The following METTL9 variants were observed in gnomAD, a reference collection of about 807,000 sequenced individuals.
METTL9 encodes methyltransferase 9, His-X-His N1(pi)-histidine.
Under a neutral mutation model 36.0 loss-of-function variants are expected in METTL9, and 10 were observed. The observed-to-expected ratio is 0.28, with a 90% CI of 0.17 to 0.47. The LOEUF is 0.47. Among genes scored for constraint, METTL9 ranks in the 20% least tolerant of loss-of-function variants. METTL9 has a pLI of 0.99. For synonymous variants in METTL9, 175 were observed against 149.7 expected (o/e 1.17, Z -1.23); for missense variants, 246 against 383.5 (o/e 0.64, Z 3.00).
Position 21,599,729 on chromosome 16 carries a change from C to G in METTL9, c.-5C>G. 6.6e-7 allele frequency: 1 copy of G among 1,505,130 alleles called. No individual in the cohort carries two copies. Among genetic ancestry groups the G allele is most frequent in the Non-Finnish European group, 8.8e-7 (1 of 1,134,904 alleles). 93.2% of individuals were successfully genotyped at this position (1,505,130 alleles called of 1,614,324 possible). On this transcript the variant is annotated 5_prime_UTR_variant, in exon 1 of 5. Coordinates refer to ENST00000358154, the MANE Select transcript of METTL9 (RefSeq NM_016025.5). This position sits in a 1 kb window ranked among gnomAD's most constrained non-coding sequence, Gnocchi z 4.4. ...GGTGATCCGAGCGAGCGGCCGCGGC[C>G]CCCGATGAGACTGCTGGCGGGCTGG...
intron 4 of METTL9, chr16:21,646,781 A>T: frequency 3.0e-6 from 1 of 328,386 alleles, no homozygotes; most frequent in Non-Finnish European, 6.0e-6. Flanking sequence ...TCAACCTCCC[A>T]AGCAGCTGGG....
chr16:21,623,140 A>G (rs928181463), intron 3 of METTL9, among the ~76,000 whole-genome samples: 2 of 152,228 alleles, frequency 1.3e-5, no homozygotes, highest in Non-Finnish European at 2.9e-5. Context: ...TTAGTACAAC[A>G]AAGTGATTTT....
intron 3 of METTL9, among the ~76,000 whole-genome samples, chr16:21,621,174 G>T (rs879798609): frequency 5.9e-4 from 89 of 151,722 alleles, no homozygotes; most frequent in South Asian, 1.0e-3. Context: ...GTGTGTGTGT[G>T]TTTTTGTGTG....
At chr16:21,631,884 T>G (rs1965971400) in intron 4 of METTL9, among the ~76,000 whole-genome samples, 1 of 152,162 alleles carries the variant, frequency 6.6e-6, no homozygotes, top group African/African-American at 2.4e-5. Flanking sequence ...TACACTGTTT[T>G]TTCTTTACTA....
intron 3 of METTL9, 93 bp downstream of exon 3, chr16:21,618,167 A>T (rs1567331040): frequency 2.0e-6 from 2 of 991,022 alleles, no homozygotes; most frequent in Non-Finnish European, 1.4e-6. Flanking sequence ...TTAGAAATTT[A>T]AAAAATCATC....
intron 4 of METTL9, among the ~76,000 whole-genome samples, chr16:21,630,230 C>T (rs1184957857): frequency 2.0e-5 from 3 of 152,238 alleles, no homozygotes; most frequent in Non-Finnish European, 4.4e-5. Flanking sequence ...GGGAGCTTGT[C>T]CCCCGATCAA....
rs3046231 is a variant in METTL9, at chr16:21,605,257, CTTTTTTTTTTTTTTTTTTTTT to C, written c.165+5378_165+5398del. Among the ~76,000 whole-genome samples the C allele has an allele frequency of 6.8e-3, 347 of 51,258 alleles. 8 individuals are homozygous for C. The highest frequency in any genetic ancestry group is 0.016 in the African/African-American group (257 of 15,580). 33.6% of individuals were successfully genotyped at this position (51,258 alleles called of 152,430 possible). On this transcript the variant is annotated intron_variant, in intron 1 of 4. Transcript: ENST00000358154. ...GGGGTGGTAAAAATAGGCTTGCCTT[CTTTTTTTTTTTTTTTTTTTTT>C]TTTTTTTTTTTTTTTTTTGAGAAAC... is the stretch of plus-strand genomic sequence containing the variant.
intron 4 of METTL9, among the ~76,000 whole-genome samples, chr16:21,635,451 G>A (rs1234780523): frequency 6.6e-6 from 1 of 152,126 alleles, no homozygotes; most frequent in East Asian, 1.9e-4. Flanking sequence ...CCTGTGGGAT[G>A]TAAATTGCAA....
At chr16:21,620,278 A>C (rs190787471) in intron 3 of METTL9, among the ~76,000 whole-genome samples, 2 of 152,318 alleles carry the variant, frequency 1.3e-5, no homozygotes, top group East Asian at 3.9e-4. Flanking sequence ...TAGCTTTAGC[A>C]AGCTGTCTCA....
At chr16:21,650,473 A>C (rs1379655800) in intron 4 of METTL9, among the ~76,000 whole-genome samples, 1 of 144,188 alleles carries the variant, frequency 6.9e-6, no homozygotes, top group Non-Finnish European at 1.5e-5. Flanking sequence ...GTGCCACTGC[A>C]CTCTAGCCTG....
At chr16:21,647,434 G>C (rs1334054212) in intron 4 of METTL9, 1 of 1,614,070 alleles carries the variant, frequency 6.2e-7, no homozygotes, top group Non-Finnish European at 8.5e-7. Flanking sequence ...CCTCATGAGT[G>C]TAGTCCACTT....
chr16:21,617,744 T>C, intron 2 of METTL9, 121 bp from the exon 3 acceptor site: 2 of 893,094 alleles, frequency 2.2e-6, no homozygotes, highest in Non-Finnish European at 1.8e-6. Flanking sequence ...AAAAAAAATC[T>C]TAACCATGTA....
At chr16:21,652,421 A>G in intron 4 of METTL9, 2 of 748,820 alleles carry the variant, frequency 2.7e-6, no homozygotes, top group Non-Finnish European at 4.2e-6. Flanking sequence ...CAGTTTTCAT[A>G]ATGTTATACA....
In METTL9 at chr16:21,630,209, G is replaced by A. The variant is rs150505182; in HGVS notation, c.751+5094G>A. On this transcript the variant is annotated intron_variant, in intron 4 of 4. Transcript: ENST00000358154. ...TTGCGGCACCTAGCCTGGGCACTCC[G>A]ACAGCCCAGTGGGAGCTTGTCCCCC... 1.8e-3 allele frequency among the ~76,000 whole-genome samples: 278 copies of A among 152,344 alleles called. 2 individuals carry two copies. The highest frequency in any genetic ancestry group is 6.1e-3 in the African/African-American group (254 of 41,592).
intron 1 of METTL9, among the ~76,000 whole-genome samples, chr16:21,604,777 T>G (rs1965230470): frequency 6.6e-6 from 1 of 152,220 alleles, no homozygotes. Flanking sequence ...TTAGAAAAGA[T>G]TCTGTGTTCA....
chr16:21,610,632 T>G (rs1176587923), intron 1 of METTL9, among the ~76,000 whole-genome samples: 1 of 152,140 alleles, frequency 6.6e-6, no homozygotes, highest in African/African-American at 2.4e-5. Context: ...TTGAGAAAAA[T>G]GCTATTAAAA....
chr16:21,629,228 T>C (rs1333450109), intron 4 of METTL9, among the ~76,000 whole-genome samples: 7 of 152,042 alleles, frequency 4.6e-5, no homozygotes, highest in African/African-American at 1.7e-4. Context: ...CAGATATATA[T>C]TTTGAGGCCC....
At chr16:21,652,653 C>T in intron 4 of METTL9, 3 of 1,421,330 alleles carry the variant, frequency 2.1e-6, no homozygotes, top group Non-Finnish European at 2.9e-6. Context: ...AGTTGGCTTT[C>T]TTTTTTCAGA....
intron 4 of METTL9, among the ~76,000 whole-genome samples, chr16:21,628,871 G>T (rs1597762770): frequency 6.8e-6 from 1 of 147,994 alleles, no homozygotes; most frequent in Non-Finnish European, 1.5e-5. Context: ...TGAAGTTGCT[G>T]TTGTTTGGCT....
Sources: gnomAD v4.1 joint callset for allele counts (sites outside exome capture counted in the v4.1 genomes callset) on GRCh38, gnomAD v4.1.1 for gene constraint, Gnocchi (gnomAD v3.1) non-coding constraint, MANE v1.5 for transcripts, NCBI Gene and HGNC (gene_info 2026-07-23, HGNC 2026-07-21) for gene names.